The following CCDC172 variants were observed in gnomAD, a reference collection of about 807,000 sequenced individuals.
CCDC172 encodes coiled-coil domain containing 172.
Under a neutral mutation model 38.0 loss-of-function variants are expected in CCDC172, and 30 were observed. The ratio of observed to expected loss-of-function variants is 0.79; its 90% CI spans 0.59 to 1.07. The LOEUF is 1.07. Ranked by LOEUF, CCDC172 falls within the 50% of genes least tolerant of loss-of-function variation. The pLI is 0.00. For synonymous variants in CCDC172, 78 were observed against 88.3 expected, an observed-to-expected ratio of 0.88 and a Z score of 0.66; for missense variants, 297 against 290.1, an observed-to-expected ratio of 1.02 and a Z score of -0.17.
At chr10:116,358,810 C>T (rs1436553424) in intron 7 of CCDC172, among the ~76,000 whole-genome samples, 1 of 152,044 alleles carries the variant, frequency 6.6e-6, no homozygotes, top group Non-Finnish European at 1.5e-5. Flanking sequence ...TGACAATCTG[C>T]TCATTCATTT....
chr10:116,330,326 T>G (rs929785537), intron 3 of CCDC172, among the ~76,000 whole-genome samples: 7 of 152,326 alleles, frequency 4.6e-5, no homozygotes, highest in African/African-American at 1.7e-4. Context: ...AATGTTACTT[T>G]TGAAGCAGTA....
intron 5 of CCDC172, among the ~76,000 whole-genome samples, chr10:116,352,024 G>T (rs1844936789): frequency 6.6e-6 from 1 of 152,246 alleles, no homozygotes; most frequent in South Asian, 2.1e-4. Context: ...ACCCCACTGG[G>T]CTGAGTAAAG....
At chr10:116,372,251 A>T (rs1420730679) in intron 7 of CCDC172, among the ~76,000 whole-genome samples, 1 of 152,078 alleles carries the variant, frequency 6.6e-6, no homozygotes, top group Non-Finnish European at 1.5e-5. Context: ...AAACATTTTT[A>T]ATTAAAAAAT....
rs139809289 is a variant in CCDC172 at position 116,342,052 on chromosome 10, A to C, written c.299A>C (p.Gln100Pro). Residue 100 changes from glutamine (Q) to proline (P), a missense_variant, in exon 5 of 9, where the codon CAA becomes CCA. Physicochemically the swap from Gln to Pro is moderately conservative, Grantham distance 76 (BLOSUM62 -1). Transcript: ENST00000333254. ...GTTTTTCAGGAGGCTATAAAGAAAC[A>C]AATGATAGAGGAGGAAGACAAATTT... is the stretch of plus-strand genomic sequence containing the variant. ...LLQTFEAIKKQMIEEEDKFIK... is the reference protein window; with the variant it reads ...LLQTFEAIKKPMIEEEDKFIK... The C allele has an allele frequency of 1.1e-5, 17 of 1,512,856 alleles. No individual in the cohort carries two copies. Among genetic ancestry groups the C allele is most frequent in the East Asian group, 2.5e-5 (1 of 40,070 alleles). The allele number at this position is 1,512,856 out of a possible 1,614,324, so 93.7% of individuals were successfully genotyped here. A position where few individuals can be genotyped will look rare whatever the true frequency, so the allele number is the denominator to read the frequency against.
chr10:116,325,529 G>A, intron 3 of CCDC172, 141 bp downstream of exon 3: 1 of 620,664 alleles, frequency 1.6e-6, no homozygotes, highest in Non-Finnish European at 2.8e-6. Flanking sequence ...GTTCCATGTT[G>A]CCTGGTGATG....
chr10:116,377,999 G>GGCGAAAC (rs1268819453), intron 7 of CCDC172, among the ~76,000 whole-genome samples: 18 of 152,084 alleles, frequency 1.2e-4, no homozygotes, highest in African/African-American at 4.3e-4. Flanking sequence ...TAGCCAACAT[G>GGCGAAAC]GCGAAACCCC....
intron 7 of CCDC172, among the ~76,000 whole-genome samples, chr10:116,371,396 T>C (rs1217847542): frequency 6.6e-6 from 1 of 151,934 alleles, no homozygotes; most frequent in Admixed American, 6.6e-5. Flanking sequence ...CAAATCCTAA[T>C]AGATCTTAGT....
intron 3 of CCDC172, among the ~76,000 whole-genome samples, chr10:116,330,272 T>TA (rs1844644186): frequency 6.6e-6 from 1 of 152,200 alleles, no homozygotes. Context: ...TCCTGGTACT[T>TA]AAAGATTTTT....
intron 5 of CCDC172, among the ~76,000 whole-genome samples, chr10:116,356,362 G>C (rs1312295864): frequency 6.7e-6 from 1 of 149,276 alleles, no homozygotes; most frequent in Non-Finnish European, 1.5e-5. Context: ...AGAAAGGGGG[G>C]GAGGAGGAAG....
At chr10:116,355,614 T>TAC in intron 5 of CCDC172, among the ~76,000 whole-genome samples, 1 of 152,300 alleles carries the variant, frequency 6.6e-6, no homozygotes, top group East Asian at 1.9e-4. Flanking sequence ...GGCATATATA[T>TAC]ACAGTGGAAT....
At position 116,324,898 on chromosome 10, in the gene CCDC172, A is replaced by G. The variant is rs951060379; in HGVS notation, c.-65-49A>G. The G allele has an allele frequency of 4.3e-5, 36 of 845,732 alleles. No homozygotes were observed. The East Asian group carries it at 8.1e-4, about 19-fold the overall frequency. 52.4% of individuals were successfully genotyped at this position (845,732 alleles called of 1,614,324 possible). ...GCGACAGAGGGTTGGAGACAGGTCTATCTGGGAATGGTTCTAGAAGAATCC... is the reference window on the plus strand; with the variant it reads ...GCGACAGAGGGTTGGAGACAGGTCTGTCTGGGAATGGTTCTAGAAGAATCC... On this transcript the variant is annotated intron_variant, in intron 1 of 8. Transcript: ENST00000333254.
At chr10:116,372,663 C>T (rs1845199038) in intron 7 of CCDC172, among the ~76,000 whole-genome samples, 1 of 151,960 alleles carries the variant, frequency 6.6e-6, no homozygotes, top group Non-Finnish European at 1.5e-5. Context: ...CTTTAGAGCA[C>T]AGATACAAGA....
intron 3 of CCDC172, among the ~76,000 whole-genome samples, chr10:116,332,522 CTT>C (rs1182906464): frequency 6.6e-6 from 1 of 152,076 alleles, no homozygotes; most frequent in African/African-American, 2.4e-5. Context: ...TGCATGGAAA[CTT>C]GTCTGTACAG....
At chr10:116,335,825 C>T (rs1181063579) in intron 3 of CCDC172, among the ~76,000 whole-genome samples, 1 of 151,772 alleles carries the variant, frequency 6.6e-6, no homozygotes, top group Admixed American at 6.6e-5. Context: ...TTACTAAACC[C>T]TTTTTTTTAT....
intron 3 of CCDC172, among the ~76,000 whole-genome samples, chr10:116,330,065 G>T (rs1844641031): frequency 6.6e-6 from 1 of 152,228 alleles, no homozygotes; most frequent in African/African-American, 2.4e-5. Flanking sequence ...TTTTTACTTA[G>T]ATAATTGACA....
intron 5 of CCDC172, among the ~76,000 whole-genome samples, chr10:116,354,604 G>A (rs544463112): frequency 5.9e-5 from 9 of 152,220 alleles, no homozygotes; most frequent in Admixed American, 3.3e-4. Context: ...TGCACCTGTA[G>A]TCCCAGCTAC....
intron 3 of CCDC172, among the ~76,000 whole-genome samples, chr10:116,335,283 CTG>C (rs891350084): frequency 1.3e-5 from 2 of 151,880 alleles, no homozygotes; most frequent in African/African-American, 4.8e-5. Context: ...ATCGGAAACA[CTG>C]TCTTTATGAT....
At chr10:116,347,071 T>C (rs772167540) in intron 5 of CCDC172, among the ~76,000 whole-genome samples, 58 of 151,948 alleles carry the variant, frequency 3.8e-4, no homozygotes, top group Non-Finnish European at 1.5e-5. Flanking sequence ...TGAGTGTAGA[T>C]GTCAATTAGA....
At chr10:116,350,692 T>A (rs897668370) in intron 5 of CCDC172, among the ~76,000 whole-genome samples, 1 of 152,200 alleles carries the variant, frequency 6.6e-6, no homozygotes, top group African/African-American at 2.4e-5. Flanking sequence ...CACTTTTCTT[T>A]GCTTGGCAAT....
Sources: gnomAD v4.1 joint callset for allele counts (sites outside exome capture counted in the v4.1 genomes callset) on GRCh38, gnomAD v4.1.1 for gene constraint, MANE v1.5 for transcripts, NCBI Gene and HGNC (gene_info 2026-07-23, HGNC 2026-07-21) for gene names.